Variants in SHANK2 observed in about 807,000 individuals in gnomAD.
SHANK2 encodes the protein SH3 and multiple ankyrin repeat domains protein 2.
In SHANK2, 43 loss-of-function variants were observed where a neutral mutation model predicts 133.7. The ratio of observed to expected loss-of-function variants is 0.32; its 90% CI spans 0.25 to 0.41. SHANK2 has a LOEUF of 0.41. Among genes scored for constraint, SHANK2 ranks in the 10% least tolerant of loss-of-function variants. SHANK2 has a pLI of 1.00. For synonymous variants in SHANK2, 1,017 were observed against 952.8 expected, an observed-to-expected ratio of 1.07 and a Z score of -1.24; for missense variants, 1,994 against 2,235.8, an observed-to-expected ratio of 0.89 and a Z score of 2.18.
At chr11:70,679,827 C>G (rs894174055) in intron 15 of SHANK2, among the ~76,000 whole-genome samples, 1 of 152,226 alleles carries the variant, frequency 6.6e-6, no homozygotes, top group South Asian at 2.1e-4. Flanking sequence ...AGAACCGGTG[C>G]CCCTCCCTCG....
chr11:70,558,549 T>A (rs1382425121), intron 17 of SHANK2, among the ~76,000 whole-genome samples: 1 of 152,244 alleles, frequency 6.6e-6, no homozygotes, highest in Non-Finnish European at 1.5e-5. Context: ...CTTACCTCTC[T>A]GTGCCTCAGT....
intron 11 of SHANK2, among the ~76,000 whole-genome samples, chr11:70,860,916 G>T (rs782456539): frequency 6.6e-6 from 1 of 152,130 alleles, no homozygotes. Context: ...ATACCACAAA[G>T]CCCCTTCATT....
At chr11:71,208,634 G>A (rs141838807) in intron 2 of SHANK2, among the ~76,000 whole-genome samples, 5,379 of 152,034 alleles carry the variant, frequency 0.035, 120 homozygotes, top group Middle Eastern at 0.038. Context: ...GGAGACCAAC[G>A]AGCAGTCTCT....
intron 5 of SHANK2, among the ~76,000 whole-genome samples, 160 bp from the exon 6 acceptor site, chr11:71,110,209 C>A (rs980166797): frequency 3.9e-5 from 6 of 152,278 alleles, no homozygotes; most frequent in East Asian, 3.9e-4. Context: ...GAGGCCGAGG[C>A]GGGCAGATCA....
chr11:70,578,135 C>T (rs1186590440), intron 17 of SHANK2, among the ~76,000 whole-genome samples: 4 of 152,172 alleles, frequency 2.6e-5, no homozygotes, highest in Non-Finnish European at 4.4e-5. Flanking sequence ...TGACTTAGTG[C>T]GGTGCCATGG....
chr11:70,663,915 A>AC (rs1438531083), intron 15 of SHANK2, among the ~76,000 whole-genome samples: 18 of 152,190 alleles, frequency 1.2e-4, no homozygotes, highest in African/African-American at 4.3e-4. Context: ...GTTTCCCTGC[A>AC]CAGCAAGAGT....
At chr11:71,173,298 T>A (rs1953356398) in intron 2 of SHANK2, among the ~76,000 whole-genome samples, 2 of 152,168 alleles carry the variant, frequency 1.3e-5, no homozygotes, top group South Asian at 4.1e-4. Flanking sequence ...CTGGCTGGGA[T>A]CACTGCTGGA....
intron 8 of SHANK2, among the ~76,000 whole-genome samples, chr11:71,078,317 AT>A (rs1951247723): frequency 6.6e-6 from 1 of 152,184 alleles, no homozygotes; most frequent in Non-Finnish European, 1.5e-5. Flanking sequence ...CTTGTTGTAA[AT>A]ATATGAATAA....
chr11:71,151,510 C>T (rs1245440180), intron 2 of SHANK2, among the ~76,000 whole-genome samples: 7 of 152,218 alleles, frequency 4.6e-5, no homozygotes, highest in Non-Finnish European at 7.3e-5. Flanking sequence ...TTTTATTCTT[C>T]GTCCTCATTC....
intron 14 of SHANK2, among the ~76,000 whole-genome samples, chr11:70,733,658 C>A (rs782093790): frequency 2.0e-5 from 3 of 152,212 alleles, no homozygotes; most frequent in Non-Finnish European, 4.4e-5. Flanking sequence ...TACTCTCTGG[C>A]CTTTACGGAT....
intron 21 of SHANK2, among the ~76,000 whole-genome samples, 192 bp from the exon 22 acceptor site, chr11:70,492,657 C>T (rs1555156206): frequency 6.6e-6 from 1 of 152,220 alleles, no homozygotes; most frequent in East Asian, 1.9e-4. Flanking sequence ...TTCCCAGGAC[C>T]TTGCCCTCGG....
intron 15 of SHANK2, among the ~76,000 whole-genome samples, chr11:70,687,896 C>G (rs1313692095): frequency 5.3e-5 from 8 of 152,174 alleles, no homozygotes; most frequent in Non-Finnish European, 8.8e-5. Flanking sequence ...CACCCACCAC[C>G]GGTGTCCCCA....
At chr11:70,701,405 C>CT (rs1230172535) in intron 14 of SHANK2, among the ~76,000 whole-genome samples, 40 of 151,498 alleles carry the variant, frequency 2.6e-4, no homozygotes, top group Middle Eastern at 3.4e-3. Flanking sequence ...AAAAAGGAAT[C>CT]TTTTTTTTTC....
chr11:71,094,773 G>T, intron 6 of SHANK2, 85 bp from the exon 7 acceptor site: 1 of 1,388,650 alleles, frequency 7.2e-7, no homozygotes, highest in South Asian at 1.4e-5. Flanking sequence ...AAACTAAGCT[G>T]AAAGAACTGA....
rs144290468 is a variant in SHANK2 at position 70,774,194 on chromosome 11, G to A, written c.1777+24249C>T. The stretch of plus-strand genomic sequence containing the variant: ...CTCAAAAACACTGTCCTAACTAAAA[G>A]AAGCTGGTCATAAAGGACCCCACAT... On this transcript the variant is annotated intron_variant, in intron 14 of 25. Transcript: ENST00000601538. 7.5e-3 allele frequency among the ~76,000 whole-genome samples: 1,143 copies of A among 152,290 alleles called. 8 individuals carry two copies. Among genetic ancestry groups the A allele is most frequent in the Middle Eastern group, 0.02 (6 of 294 alleles).
At chr11:70,681,947 G>T (rs755274172) in intron 15 of SHANK2, among the ~76,000 whole-genome samples, 4 of 152,142 alleles carry the variant, frequency 2.6e-5, no homozygotes. Flanking sequence ...GGGCATGCTC[G>T]GGGTGAAATC....
intron 17 of SHANK2, among the ~76,000 whole-genome samples, chr11:70,514,651 A>G (rs1272546676): frequency 6.6e-6 from 1 of 152,218 alleles, no homozygotes; most frequent in African/African-American, 2.4e-5. Flanking sequence ...GTACAATTTG[A>G]ACTCTAAGTA....
chr11:70,651,214 C>G lies in SHANK2; in HGVS notation c.2061+8614G>C, dbSNP rs544878014. On this transcript the variant is annotated intron_variant, in intron 17 of 25. Coordinates refer to ENST00000601538, the MANE Select transcript of SHANK2 (RefSeq NM_012309.5). The stretch of plus-strand genomic sequence containing the variant: ...CATCTGAGCACAGCAGCCATGGTCC[C>G]CTGAAGTGATTCTGAATCTTTTTAT... Among the ~76,000 whole-genome samples the G allele has an allele frequency of 5.5e-4, 83 of 152,292 alleles. No individual in the cohort carries two copies. In the Middle Eastern group the frequency reaches 0.01, roughly 19 times the overall value.
intron 17 of SHANK2, among the ~76,000 whole-genome samples, chr11:70,588,975 A>G (rs1328362100): frequency 6.6e-6 from 1 of 151,968 alleles, no homozygotes; most frequent in Non-Finnish European, 1.5e-5. Flanking sequence ...CCGCCACCAC[A>G]CCCACATAAT....
Sources: allele counts gnomAD v4.1 joint callset (sites outside exome capture counted in the v4.1 genomes callset), GRCh38; gene constraint gnomAD v4.1.1; transcripts MANE v1.5; gene names NCBI Gene and HGNC (gene_info 2026-07-23, HGNC 2026-07-21).